Variants in METTL24 observed in about 807,000 individuals in gnomAD.
METTL24 encodes probable methyltransferase-like protein 24.
METTL24 carries 29 observed loss-of-function variants against 32.7 expected under a neutral mutation model. The ratio of observed to expected loss-of-function variants is 0.89; its 90% confidence interval spans 0.66 to 1.21. METTL24 has a LOEUF of 1.21. Among genes scored for constraint, METTL24 ranks in the 50% most tolerant of loss-of-function variants. The pLI is 0.00. For missense variants in METTL24, 439 were observed against 468.1 expected, an observed-to-expected ratio of 0.94 and a Z score of 0.57; for synonymous variants, 163 against 179.5, an observed-to-expected ratio of 0.91 and a Z score of 0.73.
At chr6:110,261,801 G>A (rs1037742423) in intron 4 of METTL24, among the ~76,000 whole-genome samples, 2 of 152,088 alleles carry the variant, frequency 1.3e-5, no homozygotes, top group East Asian at 1.9e-4. Flanking sequence ...TAGAACTCAG[G>A]ATTAAGAAAC....
chr6:110,247,666 TAAGC>T (rs1193361642), intron 4 of METTL24, among the ~76,000 whole-genome samples: 1 of 152,158 alleles, frequency 6.6e-6, no homozygotes, highest in Non-Finnish European at 1.5e-5. Flanking sequence ...AGCAGAACCT[TAAGC>T]AGCCCTTCAG....
chr6:110,245,844 G>C lies in METTL24; in HGVS notation c.*102C>G, dbSNP rs879542467. On this transcript the variant is annotated 3_prime_UTR_variant, in exon 5 of 5. Coordinates refer to ENST00000338882, the MANE Select transcript of METTL24 (RefSeq NM_001123364.3). ...TAACACACTCCCTGCCTCAAGCAGG[G>C]CACAGGCTAGCAGGAGACTGGATGA... is the stretch of plus-strand genomic sequence containing the variant. 4.2e-6 allele frequency: 5 copies of C among 1,202,992 alleles called. No homozygotes were observed. In the African/African-American group the frequency reaches 7.6e-5, roughly 18 times the overall value. The allele number at this position is 1,202,992 out of a possible 1,614,324, so 74.5% of individuals were successfully genotyped here. A position where few individuals can be genotyped will look rare whatever the true frequency, so the allele number is the denominator to read the frequency against.
intron 4 of METTL24, among the ~76,000 whole-genome samples, chr6:110,256,310 C>G (rs190250492): frequency 6.6e-6 from 1 of 152,296 alleles, no homozygotes; most frequent in African/African-American, 2.4e-5. Context: ...TCTCAACTTT[C>G]CCTCCCTGGT....
intron 4 of METTL24, among the ~76,000 whole-genome samples, chr6:110,257,527 T>C (rs1213322567): frequency 6.6e-6 from 1 of 152,218 alleles, no homozygotes; most frequent in Non-Finnish European, 1.5e-5. Context: ...CACACAAAGT[T>C]CTACTGGACT....
In METTL24 at chr6:110,245,547, T is replaced by G. The variant is rs1370749058; in HGVS notation, c.*399A>C. On this transcript the variant is annotated 3_prime_UTR_variant, in exon 5 of 5. Transcript: ENST00000338882. Reference sequence around the variant, plus strand: ...TTGAAAAAGGAGGGTCAAATTCAAATTTAAAACCCTATTTTAAACAGTAGG... The same window carrying G: ...TTGAAAAAGGAGGGTCAAATTCAAAGTTAAAACCCTATTTTAAACAGTAGG... Among the ~76,000 whole-genome samples the G allele has an allele frequency of 1.3e-5, 2 of 152,174 alleles. No homozygotes were observed. The highest frequency in any genetic ancestry group is 1.3e-4 in the Admixed American group (2 of 15,270).
intron 4 of METTL24, among the ~76,000 whole-genome samples, chr6:110,256,158 C>T (rs1778378977): frequency 6.6e-6 from 1 of 152,102 alleles, no homozygotes; most frequent in African/African-American, 2.4e-5. Context: ...TGTGTGCACA[C>T]ACATGTGCAT....
At chr6:110,349,690 T>C (rs1772555220) in intron 1 of METTL24, among the ~76,000 whole-genome samples, 1 of 152,202 alleles carries the variant, frequency 6.6e-6, no homozygotes, top group South Asian at 2.1e-4. Context: ...ATAGTTCACT[T>C]GGGCCCCGAT....
chr6:110,331,803 C>A (rs1167764277), intron 1 of METTL24, among the ~76,000 whole-genome samples: 1 of 152,030 alleles, frequency 6.6e-6, no homozygotes, highest in African/African-American at 2.4e-5. Context: ...GTGTCATAAG[C>A]AAAGTGCTGG....
chr6:110,336,702 G>C (rs1275317389), intron 1 of METTL24, among the ~76,000 whole-genome samples: 1 of 146,162 alleles, frequency 6.8e-6, no homozygotes, highest in Admixed American at 7.0e-5. Flanking sequence ...TTGCGCCACT[G>C]CACTCCAGCC....
intron 4 of METTL24, among the ~76,000 whole-genome samples, chr6:110,257,297 AG>A (rs1278823155): frequency 6.6e-6 from 1 of 152,208 alleles, no homozygotes; most frequent in Admixed American, 6.5e-5. Flanking sequence ...GGTGTGTACA[AG>A]GAAGTGAACT....
rs1489372551 is a variant in METTL24 at position 110,295,839 on chromosome 6, A to AAGGAAGGT, written c.786+3082_786+3083insACCTTCCT. ...GAAGGAAGGAAGGAAGGAAGGAAGGAAGGTTCTCTATAAAATGTACTAAAA... is the reference window on the plus strand; with the variant it reads ...GAAGGAAGGAAGGAAGGAAGGAAGGAAGGAAGGTAGGTTCTCTATAAAATGTACTAAAA... On this transcript the variant is annotated intron_variant, in intron 4 of 4. Coordinates refer to ENST00000338882, the MANE Select transcript of METTL24 (RefSeq NM_001123364.3). Among the ~76,000 whole-genome samples the AAGGAAGGT allele has an allele frequency of 7.8e-4, 117 of 149,286 alleles. 1 individual carries two copies. The highest frequency in any genetic ancestry group is 2.7e-3 in the African/African-American group (109 of 41,090).
At chr6:110,251,930 G>A (rs1048552406) in intron 4 of METTL24, among the ~76,000 whole-genome samples, 1 of 152,178 alleles carries the variant, frequency 6.6e-6, no homozygotes, top group African/African-American at 2.4e-5. Flanking sequence ...GATCACTTGA[G>A]GCCAGGATTT....
chr6:110,301,229 C>G (rs748811017), intron 3 of METTL24, among the ~76,000 whole-genome samples: 2 of 152,202 alleles, frequency 1.3e-5, no homozygotes, highest in Admixed American at 1.3e-4. Context: ...TTCCACCTAA[C>G]AGTTCCTATT....
chr6:110,330,589 A>G (rs934038643), intron 1 of METTL24, among the ~76,000 whole-genome samples: 1 of 152,158 alleles, frequency 6.6e-6, no homozygotes, highest in Admixed American at 6.5e-5. Flanking sequence ...AAGACTGAGA[A>G]CTGAGCTAAT....
chr6:110,322,643 T>C, intron 2 of METTL24, 131 bp downstream of exon 2: 2 of 631,224 alleles, frequency 3.2e-6, no homozygotes, highest in South Asian at 2.2e-5. Context: ...TAAGCAACAA[T>C]GCCTCTGAAC....
intron 4 of METTL24, among the ~76,000 whole-genome samples, chr6:110,260,478 T>C (rs1281586493): frequency 6.6e-6 from 1 of 152,030 alleles, no homozygotes; most frequent in Non-Finnish European, 1.5e-5. Context: ...AAAGATCAAA[T>C]CTATGTCTGA....
intron 1 of METTL24, among the ~76,000 whole-genome samples, chr6:110,345,547 C>T (rs888717443): frequency 6.6e-6 from 1 of 152,182 alleles, no homozygotes; most frequent in Non-Finnish European, 1.5e-5. Context: ...CAGTGATAGA[C>T]TGGATAAAGT....
intron 4 of METTL24, among the ~76,000 whole-genome samples, chr6:110,287,260 C>T (rs1035904254): frequency 2.0e-5 from 3 of 152,184 alleles, no homozygotes; most frequent in Non-Finnish European, 2.9e-5. Context: ...ATGTTGAGTT[C>T]GGAAGTTCTT....
chr6:110,331,659 C>CAAAA (rs59304999), intron 1 of METTL24, among the ~76,000 whole-genome samples: 2 of 58,842 alleles, frequency 3.4e-5, no homozygotes, highest in African/African-American at 1.2e-4. Flanking sequence ...GACCCTGCCT[C>CAAAA]AAAAAAAAAA....
Sources: gnomAD v4.1 joint callset for allele counts (sites outside exome capture counted in the v4.1 genomes callset) on GRCh38, gnomAD v4.1.1 for gene constraint, MANE v1.5 for transcripts, NCBI Gene and HGNC (gene_info 2026-07-23, HGNC 2026-07-21) for gene names.